The following RERE variants were observed in gnomAD, a reference collection of about 807,000 sequenced individuals.
The protein encoded by RERE is arginine-glutamic acid dipeptide repeats, also known as arginine-glutamic acid dipeptide repeats protein.
In RERE, 40 loss-of-function variants were observed where a neutral mutation model predicts 146.1. The ratio of observed to expected loss-of-function variants is 0.27; its 90% CI spans 0.21 to 0.36. RERE has a LOEUF of 0.36. RERE is among the 10% of genes least tolerant of loss of function. The pLI, the probability that RERE is intolerant of heterozygous loss-of-function variation, is 1.00. For missense variants in RERE, 1,933 were observed against 2,138.7 expected (o/e 0.90, Z 1.90); for synonymous variants, 1,003 against 866.0 (o/e 1.16, Z -2.78).
At position 8,706,191 on chromosome 1, in the gene RERE, C is replaced by T. The variant is rs560250002; in HGVS notation, c.-144-49750G>A. Reference sequence around the variant, plus strand: ...CTAGTAAGCCAAGAGTGGTGGTTCACGCCTGTAGTCCCAGCCGCTCAGGAG... The same window carrying T: ...CTAGTAAGCCAAGAGTGGTGGTTCATGCCTGTAGTCCCAGCCGCTCAGGAG... On this transcript the variant is annotated intron_variant, in intron 1 of 22. Transcript: ENST00000400908. 4.8e-4 allele frequency among the ~76,000 whole-genome samples: 72 copies of T among 151,458 alleles called. 1 individual carries two copies. Among genetic ancestry groups the T allele is most frequent in the Non-Finnish European group, 7.5e-4 (51 of 67,890 alleles).
intron 2 of RERE, among the ~76,000 whole-genome samples, chr1:8,635,956 T>TCTTAC (rs1452483061): frequency 1.8e-5 from 2 of 110,914 alleles, no homozygotes; most frequent in African/African-American, 7.6e-5. Flanking sequence ...TTTTATCTTA[T>TCTTAC]CTTATCTTAT....
chr1:8,623,040 C>A (rs1011912245), intron 3 of RERE, among the ~76,000 whole-genome samples: 4 of 152,188 alleles, frequency 2.6e-5, no homozygotes, highest in African/African-American at 7.2e-5. Context: ...CAGTGGTTCA[C>A]AATCTTCAAA....
chr1:8,542,562 C>A (rs1485893098), intron 6 of RERE, among the ~76,000 whole-genome samples: 1 of 152,176 alleles, frequency 6.6e-6, no homozygotes, highest in Non-Finnish European at 1.5e-5. Flanking sequence ...TGACTTCACA[C>A]CTGTAATCCC....
intron 12 of RERE, among the ~76,000 whole-genome samples, chr1:8,416,610 A>C (rs1643781089): frequency 6.6e-6 from 1 of 151,766 alleles, no homozygotes; most frequent in Non-Finnish European, 1.5e-5. Context: ...AAAGAAAAGA[A>C]AAGAAAAGAA....
At chr1:8,537,279 A>T (rs867693796) in intron 7 of RERE, among the ~76,000 whole-genome samples, 3 of 152,204 alleles carry the variant, frequency 2.0e-5, no homozygotes, top group African/African-American at 7.2e-5. Flanking sequence ...TCCCTTATCT[A>T]AAATCCTTAG....
chr1:8,799,089 G>C (rs528430048), intron 1 of RERE, among the ~76,000 whole-genome samples: 1 of 152,110 alleles, frequency 6.6e-6, no homozygotes, highest in Admixed American at 6.5e-5. Context: ...TGCCTCCCGG[G>C]TTCAAGCTAT....
chr1:8,363,703 T>A, intron 15 of RERE: 1 of 270,372 alleles, frequency 3.7e-6, no homozygotes, highest in Non-Finnish European at 7.0e-6. Flanking sequence ...ACAAACACAC[T>A]AACACAAAAG....
intron 1 of RERE, among the ~76,000 whole-genome samples, chr1:8,677,245 C>T (rs141769463): frequency 1.4e-3 from 208 of 152,084 alleles, no homozygotes; most frequent in African/African-American, 4.7e-3. Context: ...GCCTGGCCAA[C>T]ATGGTAAAAC....
At chr1:8,475,270 A>G (rs1457893342) in intron 10 of RERE, among the ~76,000 whole-genome samples, 2 of 151,404 alleles carry the variant, frequency 1.3e-5, no homozygotes, top group African/African-American at 4.9e-5. Flanking sequence ...GCTACTTGGG[A>G]GGCTGAGGCA....
At chr1:8,796,672 A>T (rs1641480310) in intron 1 of RERE, 1 of 152,048 alleles carries the variant, frequency 6.6e-6, no homozygotes, top group Non-Finnish European at 1.5e-5. Context: ...TCAGCCTGAT[A>T]CTGTAATTTA....
At chr1:8,616,421 T>C (rs970462152) in intron 3 of RERE, among the ~76,000 whole-genome samples, 3 of 152,178 alleles carry the variant, frequency 2.0e-5, no homozygotes, top group Non-Finnish European at 2.9e-5. Context: ...TGGTTCTTAA[T>C]GCAAGCATCC....
chr1:8,593,368 G>A (rs1370480587), intron 4 of RERE, among the ~76,000 whole-genome samples: 2 of 152,176 alleles, frequency 1.3e-5, no homozygotes, highest in Non-Finnish European at 2.9e-5. Flanking sequence ...TGAATCATGG[G>A]GGTGGGTCTT....
chr1:8,785,056 G>A (rs1165726293), intron 1 of RERE, among the ~76,000 whole-genome samples: 32 of 152,140 alleles, frequency 2.1e-4, no homozygotes, highest in Admixed American at 2.1e-3. Flanking sequence ...ATCCAAAGTA[G>A]GGGAGTAGAA....
intron 12 of RERE, among the ~76,000 whole-genome samples, chr1:8,417,942 C>A (rs779032683): frequency 1.3e-5 from 2 of 152,174 alleles, no homozygotes; most frequent in Non-Finnish European, 2.9e-5. Context: ...CAACCTGGGC[C>A]TGTCAAAAAT....
intron 12 of RERE, among the ~76,000 whole-genome samples, chr1:8,403,089 G>C (rs1643318078): frequency 6.6e-6 from 1 of 152,040 alleles, no homozygotes; most frequent in African/African-American, 2.4e-5. Context: ...AGTAGAGACG[G>C]GGTTTCACCA....
chr1:8,364,701 G>A lies in RERE; in HGVS notation c.1540+45C>T. 1.4e-6 allele frequency: 2 copies of A among 1,395,730 alleles called. No individual in the cohort carries two copies. The highest frequency in any genetic ancestry group is 2.0e-6 in the Non-Finnish European group (2 of 981,802). 86.5% of individuals were successfully genotyped at this position (1,395,730 alleles called of 1,614,324 possible). A position where few individuals can be genotyped will look rare whatever the true frequency, so the allele number is the denominator to read the frequency against. ...CATGAAATGTTCAGAACATGGAAGT[G>A]CTTGTGCCCCCGCCCCGCCCCAGGA... On this transcript the variant is annotated intron_variant, in intron 14 of 22. Transcript: ENST00000400908. The surrounding 1 kb of genome is among the most constrained non-coding windows in gnomAD (Gnocchi z 5.1).
chr1:8,395,793 G>A (rs1179522198), intron 12 of RERE, among the ~76,000 whole-genome samples: 1 of 152,136 alleles, frequency 6.6e-6, no homozygotes, highest in Admixed American at 6.5e-5. Context: ...ATGCACTGAA[G>A]GCCTGCAGTG....
At chr1:8,606,699 A>G (rs1646714553) in intron 4 of RERE, among the ~76,000 whole-genome samples, 1 of 152,192 alleles carries the variant, frequency 6.6e-6, no homozygotes. Flanking sequence ...CCTTTAACAC[A>G]GCATGTTTCT....
chr1:8,613,278 T>C (rs1201874578), intron 4 of RERE, among the ~76,000 whole-genome samples: 3 of 152,180 alleles, frequency 2.0e-5, no homozygotes, highest in African/African-American at 7.2e-5. Flanking sequence ...ACTTTGAAGA[T>C]CCTCTATAAT....
Sources: gnomAD v4.1 joint callset for allele counts (sites outside exome capture counted in the v4.1 genomes callset) on GRCh38, gnomAD v4.1.1 for gene constraint, Gnocchi (gnomAD v3.1) non-coding constraint, MANE v1.5 for transcripts, NCBI Gene and HGNC (gene_info 2026-07-23, HGNC 2026-07-21) for gene names.